The following SLC35F4 variants were observed in gnomAD, a reference collection of about 807,000 sequenced individuals.
SLC35F4 encodes the protein chromosome 14 open reading frame 36.
Under a neutral mutation model 44.2 loss-of-function variants are expected in SLC35F4, and 24 were observed. The ratio of observed to expected loss-of-function variants is 0.54; its 90% CI spans 0.39 to 0.76. The LOEUF is 0.76. Among genes scored for constraint, SLC35F4 ranks in the 30% least tolerant of loss-of-function variants. The pLI, the probability that SLC35F4 is intolerant of heterozygous loss-of-function variation, is 0.00. For synonymous variants in SLC35F4, 238 were observed against 223.6 expected (o/e 1.06, Z -0.57); for missense variants, 562 against 586.1 (o/e 0.96, Z 0.42).
rs1221099099 is a variant in SLC35F4, at chr14:57,721,010, A to AT, written c.104-126887dup. ...TATATATATATATATATATATATAT[A>AT]TATATGAGTTAATAAACTCCTCATA... is the stretch of plus-strand genomic sequence containing the variant. On this transcript the variant is annotated intron_variant, in intron 1 of 7. Transcript: ENST00000556826. Among the ~76,000 whole-genome samples, 6 of 123,564 alleles carry AT rather than the reference A, an allele frequency of 4.9e-5. No homozygotes were observed. The Admixed American group carries it at 4.9e-4, about 10-fold the overall frequency. 81.1% of individuals were successfully genotyped at this position (123,564 alleles called of 152,430 possible). A position where few individuals can be genotyped will look rare whatever the true frequency, so the allele number is the denominator to read the frequency against.
At chr14:57,912,369 T>C (rs1566927904) in intron 1 of SLC35F4, among the ~76,000 whole-genome samples, 1 of 150,796 alleles carries the variant, frequency 6.6e-6, no homozygotes, top group African/African-American at 2.5e-5. Context: ...ATATTTTTAT[T>C]AATTTTTAAT....
intron 1 of SLC35F4, among the ~76,000 whole-genome samples, chr14:57,677,639 T>A (rs144104115): frequency 4.6e-5 from 7 of 151,854 alleles, no homozygotes; most frequent in African/African-American, 1.7e-4. Flanking sequence ...TGAAAAACCA[T>A]AAAAGGAAAC....
chr14:57,965,201 G>A (rs1293236186), intron 1 of SLC35F4, among the ~76,000 whole-genome samples: 2 of 152,096 alleles, frequency 1.3e-5, no homozygotes, highest in African/African-American at 4.8e-5. Flanking sequence ...CCTGTCCGGA[G>A]AAGTTAAGCA....
intron 1 of SLC35F4, among the ~76,000 whole-genome samples, chr14:57,687,132 C>A (rs1344477048): frequency 6.6e-6 from 1 of 152,176 alleles, no homozygotes; most frequent in East Asian, 1.9e-4. Context: ...ACACCTTGAT[C>A]TTGGACTTTC....
chr14:57,898,593 C>T (rs1186462139), intron 1 of SLC35F4, among the ~76,000 whole-genome samples: 1 of 152,180 alleles, frequency 6.6e-6, no homozygotes, highest in East Asian at 1.9e-4. Flanking sequence ...ACTATTCATC[C>T]ACTTCAAGTG....
intron 1 of SLC35F4, among the ~76,000 whole-genome samples, chr14:57,782,768 A>G (rs1566849247): frequency 2.0e-5 from 3 of 152,202 alleles, no homozygotes; most frequent in African/African-American, 7.2e-5. Context: ...ACATTTTGCA[A>G]TGTGTTTAGT....
intron 1 of SLC35F4, among the ~76,000 whole-genome samples, chr14:57,781,618 T>A (rs1240071019): frequency 6.6e-6 from 1 of 152,218 alleles, no homozygotes; most frequent in African/African-American, 2.4e-5. Context: ...ATGCATATGT[T>A]CATTGTAGTA....
chr14:57,635,533 T>G (rs190188413), intron 1 of SLC35F4, among the ~76,000 whole-genome samples: 151 of 152,186 alleles, frequency 9.9e-4, no homozygotes, highest in Non-Finnish European at 9.1e-4. Context: ...GATGTTTAAT[T>G]GTCACAGGTT....
At position 57,859,127 on chromosome 14, in the gene SLC35F4, G is replaced by C. The variant is rs141184453; in HGVS notation, c.103+6596C>G. 8.0e-4 allele frequency among the ~76,000 whole-genome samples: 122 copies of C among 151,816 alleles called. 2 individuals carry two copies. Among genetic ancestry groups the C allele is most frequent in the Admixed American group, 3.5e-3 (53 of 15,236 alleles). On this transcript the variant is annotated intron_variant, in intron 1 of 7. Coordinates refer to ENST00000556826, the MANE Select transcript of SLC35F4 (RefSeq NM_001306087.2). ...TCTCTTAAAAAGAAAGGGGGCTTAG[G>C]GGGAGGAAGAGAGAGAGAGGGAGGA...
chr14:57,921,493 G>C (rs1269393351), intron 1 of SLC35F4, among the ~76,000 whole-genome samples: 1 of 152,196 alleles, frequency 6.6e-6, no homozygotes, highest in Non-Finnish European at 1.5e-5. Context: ...CCTTAGACCA[G>C]TATATTAGTT....
At chr14:57,972,181 G>A (rs1173178092), downstream of SLC35F4, among the ~76,000 whole-genome samples, 2 of 152,212 alleles carry the variant, frequency 1.3e-5, no homozygotes, top group African/African-American at 4.8e-5. Context: ...AAAGATGTAG[G>A]CAGAAGCCAG....
intron 1 of SLC35F4, among the ~76,000 whole-genome samples, chr14:57,879,106 A>T (rs1473385091): frequency 2.0e-5 from 3 of 152,138 alleles, no homozygotes; most frequent in Non-Finnish European, 2.9e-5. Context: ...CCAATATTTT[A>T]TGCCCTTAGA....
At chr14:57,913,765 T>C (rs1003708359) in intron 1 of SLC35F4, among the ~76,000 whole-genome samples, 1 of 152,344 alleles carries the variant, frequency 6.6e-6, no homozygotes, top group South Asian at 2.1e-4. Context: ...GTATTCATTC[T>C]CCAATGTTTT....
chr14:57,819,827 AAGAT>A (rs1438105301), intron 1 of SLC35F4, among the ~76,000 whole-genome samples: 5 of 150,850 alleles, frequency 3.3e-5, no homozygotes, highest in East Asian at 2.0e-4. Flanking sequence ...AAAAAAAAAA[AAGAT>A]AGAAGAAATA....
intron 3 of SLC35F4, among the ~76,000 whole-genome samples, 180 bp downstream of exon 3, chr14:57,589,036 T>A (rs527278340): frequency 6.6e-6 from 1 of 152,196 alleles, no homozygotes; most frequent in African/African-American, 2.4e-5. Context: ...TGGCATGTTA[T>A]AGACACATTT....
intron 1 of SLC35F4, among the ~76,000 whole-genome samples, chr14:57,711,303 C>G (rs1290876904): frequency 6.6e-6 from 1 of 152,100 alleles, no homozygotes; most frequent in Admixed American, 6.5e-5. Flanking sequence ...CTGAGGCCTT[C>G]CCAGCCAGGC....
intron 1 of SLC35F4, among the ~76,000 whole-genome samples, chr14:57,773,874 A>G (rs1234579331): frequency 6.6e-6 from 1 of 152,188 alleles, no homozygotes; most frequent in Non-Finnish European, 1.5e-5. Flanking sequence ...ACAGGAGCCC[A>G]TGTATTAAAT....
At chr14:57,925,848 GTCACCACCATC>G (rs1297117383) in intron 1 of SLC35F4, among the ~76,000 whole-genome samples, 16 of 152,036 alleles carry the variant, frequency 1.1e-4, no homozygotes, top group African/African-American at 3.9e-4. Flanking sequence ...GTTCACTCTT[GTCACCACCATC>G]TCTTCTTCCT....
chr14:57,701,716 A>G (rs550158176), intron 1 of SLC35F4, among the ~76,000 whole-genome samples: 13 of 152,356 alleles, frequency 8.5e-5, no homozygotes, highest in African/African-American at 2.9e-4. Flanking sequence ...TACCTATGAT[A>G]AAGTTTAATT....
Sources: gnomAD v4.1 joint callset for allele counts (sites outside exome capture counted in the v4.1 genomes callset) on GRCh38, gnomAD v4.1.1 for gene constraint, MANE v1.5 for transcripts, NCBI Gene and HGNC (gene_info 2026-07-23, HGNC 2026-07-21) for gene names.